Variants in SLC2A14 observed in about 807,000 individuals in gnomAD.
SLC2A14 encodes the protein solute carrier family 2, facilitated glucose transporter member 14.
In SLC2A14, 13 loss-of-function variants were observed where a neutral mutation model predicts 43.0. That is an observed-to-expected ratio of 0.30 (90% CI 0.20 to 0.48). The LOEUF is 0.48. SLC2A14 is among the 20% of genes least tolerant of loss of function. SLC2A14 has a pLI of 0.99. For synonymous variants in SLC2A14, 190 were observed against 233.8 expected, an observed-to-expected ratio of 0.81 and a Z score of 1.71; for missense variants, 428 against 620.4, an observed-to-expected ratio of 0.69 and a Z score of 3.29.
rs983729220 is a variant in SLC2A14, at chr12:7,881,519, T to A, written c.132+9477A>T. Among the ~76,000 whole-genome samples, 72 of 152,266 alleles carry A rather than the reference T, an allele frequency of 4.7e-4. 1 individual carries two copies. Among genetic ancestry groups the A allele is most frequent in the African/African-American group, 1.7e-3 (69 of 41,580 alleles). ...TCCCCAGGCCTTAGCTGCCTTCCCA[T>A]GGGGCAGGGCTCAGGACCTGCAGCC... On this transcript the variant is annotated intron_variant, in intron 1 of 9. Transcript: ENST00000539924.
chr12:7,840,389 G>A (rs1005570767), intron 2 of SLC2A14, among the ~76,000 whole-genome samples: 11 of 151,556 alleles, frequency 7.3e-5, no homozygotes, highest in Non-Finnish European at 1.6e-4. Context: ...TTTTGTTTTT[G>A]TTTTTTTGAG....
chr12:7,881,500 G>A (rs1353012943), intron 1 of SLC2A14, among the ~76,000 whole-genome samples: 2 of 152,144 alleles, frequency 1.3e-5, no homozygotes, highest in Admixed American at 6.5e-5. Context: ...TTTCTCCCCA[G>A]GCCTTAGCTG....
rs200325246 is a variant in SLC2A14, at chr12:7,829,431, A to G, written c.513+335T>C. ...AAAAATTAGCTGGACGTGGTGGTGC[A>G]CACCTGTAATCCCAGCTACTCGGGA... On this transcript the variant is annotated intron_variant, in intron 5 of 10. Coordinates refer to ENST00000431042, the MANE Select transcript of SLC2A14 (RefSeq NM_001286234.2). 4.0e-5 allele frequency among the ~76,000 whole-genome samples: 6 copies of G among 150,158 alleles called. No homozygotes were observed. In the East Asian group the frequency reaches 1.2e-3, roughly 30 times the overall value.
intron 1 of SLC2A14, 130 bp from the exon 2 acceptor site, chr12:7,870,067 A>G: frequency 1.9e-6 from 1 of 532,212 alleles, no homozygotes; most frequent in Middle Eastern, 2.7e-4. Context: ...GTGAAAATTT[A>G]TATAATTCTA....
chr12:7,856,872 CT>C (rs1944278353), intron 2 of SLC2A14, among the ~76,000 whole-genome samples: 1 of 151,298 alleles, frequency 6.6e-6, no homozygotes, highest in Non-Finnish European at 1.5e-5. Context: ...GAGTCTCGCC[CT>C]GTCGCTCAGG....
At chr12:7,849,494 A>G (rs1329278766) in intron 2 of SLC2A14, among the ~76,000 whole-genome samples, 1 of 152,100 alleles carries the variant, frequency 6.6e-6, no homozygotes, top group Non-Finnish European at 1.5e-5. Context: ...AGACAGCAAG[A>G]CTGTTACACA....
chr12:7,867,241 A>T (rs1459700471), intron 2 of SLC2A14, among the ~76,000 whole-genome samples: 1 of 133,356 alleles, frequency 7.5e-6, no homozygotes, highest in East Asian at 2.4e-4. Context: ...ATCTCGTGCC[A>T]CTGCACTCCA....
In SLC2A14 at chr12:7,829,674, T is replaced by C. The variant is rs141084515; in HGVS notation, c.513+92A>G. The C allele has an allele frequency of 3.3e-5, 50 of 1,518,128 alleles. 1 individual carries two copies. The Admixed American group carries it at 6.3e-4, about 19-fold the overall frequency. 94.0% of individuals were successfully genotyped at this position (1,518,128 alleles called of 1,614,324 possible). ...TAAAACTTCCATATGTAATTGAACATGTGCCAGATATTCTTCAGTGCTTTA... is the reference window on the plus strand; with the variant it reads ...TAAAACTTCCATATGTAATTGAACACGTGCCAGATATTCTTCAGTGCTTTA... On this transcript the variant is annotated intron_variant, in intron 5 of 10. Coordinates refer to ENST00000431042, the MANE Select transcript of SLC2A14 (RefSeq NM_001286234.2).
At chr12:7,863,470 CA>C (rs1350425470) in intron 2 of SLC2A14, 1 of 449,582 alleles carries the variant, frequency 2.2e-6, no homozygotes, top group East Asian at 7.1e-5. Context: ...ATTAAAAATA[CA>C]AAAAAATTAG....
At position 7,828,058 on chromosome 12, in the gene SLC2A14, TA is replaced by T. The variant is rs201883083; in HGVS notation, c.677-377del. On this transcript the variant is annotated intron_variant, in intron 6 of 10. Coordinates refer to ENST00000431042, the MANE Select transcript of SLC2A14 (RefSeq NM_001286234.2). ...CTTTCTTAATAAACTTGCTTTCACT[TA>T]AAAAAAAAATACAAATTAGATGGGT... 1.9e-4 allele frequency among the ~76,000 whole-genome samples: 28 copies of T among 147,640 alleles called. No homozygotes were observed. The South Asian group carries it at 1.9e-3, about 10-fold the overall frequency.
At chr12:7,839,758 G>A (rs935209928) in intron 2 of SLC2A14, 11 of 442,464 alleles carry the variant, frequency 2.5e-5, no homozygotes, top group African/African-American at 2.2e-4. Context: ...TGCCTCCATG[G>A]AGGGAGTAAT....
intron 5 of SLC2A14, 31 bp from the exon 6 acceptor site, chr12:7,828,897 C>G (rs772707752): frequency 1.9e-6 from 3 of 1,603,014 alleles, no homozygotes; most frequent in Non-Finnish European, 2.6e-6. Context: ...ATGCTATAAA[C>G]CCCATACTTC....
At chr12:7,878,231 A>C (rs1945498006), upstream of SLC2A14, among the ~76,000 whole-genome samples, 1 of 151,364 alleles carries the variant, frequency 6.6e-6, no homozygotes, top group Non-Finnish European at 1.5e-5. Context: ...TTGTATTTTT[A>C]GTACAGACAG....
At chr12:7,822,252 C>T (rs909991726) in intron 7 of SLC2A14, among the ~76,000 whole-genome samples, 1 of 152,052 alleles carries the variant, frequency 6.6e-6, no homozygotes, top group South Asian at 2.1e-4. Context: ...AGCCACTGCA[C>T]CTCGCCCTCC....
At chr12:7,818,461 G>A (rs560715033) in intron 9 of SLC2A14, among the ~76,000 whole-genome samples, 88 of 152,280 alleles carry the variant, frequency 5.8e-4, no homozygotes, top group Non-Finnish European at 1.1e-3. Context: ...AGGAGTTGGA[G>A]ACCAGCCTGG....
intron 2 of SLC2A14, among the ~76,000 whole-genome samples, chr12:7,857,252 A>AAAAC (rs896544954): frequency 6.6e-6 from 1 of 151,348 alleles, no homozygotes; most frequent in African/African-American, 2.4e-5. Flanking sequence ...TCCGTCTCAA[A>AAAAC]AAACAAACAA....
At chr12:7,876,044 C>T (rs1388367231), upstream of SLC2A14, among the ~76,000 whole-genome samples, 2 of 151,578 alleles carry the variant, frequency 1.3e-5, no homozygotes, top group African/African-American at 2.4e-5. Context: ...TTCGGGAGGC[C>T]GAGGTGGGCA....
intron 2 of SLC2A14, among the ~76,000 whole-genome samples, chr12:7,835,483 G>T (rs961141945): frequency 4.6e-5 from 7 of 152,204 alleles, no homozygotes; most frequent in Admixed American, 4.6e-4. Flanking sequence ...CTTAGTTCCA[G>T]ATGCAGTTAT....
intron 10 of SLC2A14, 132 bp downstream of exon 10, chr12:7,817,699 G>T: frequency 9.0e-7 from 1 of 1,105,732 alleles, no homozygotes; most frequent in Non-Finnish European, 1.3e-6. Flanking sequence ...AGTGAGCTGA[G>T]ATCGGGCAAC....
Sources: gnomAD v4.1 joint callset for allele counts (sites outside exome capture counted in the v4.1 genomes callset) on GRCh38, gnomAD v4.1.1 for gene constraint, MANE v1.5 for transcripts, NCBI Gene and HGNC (gene_info 2026-07-23, HGNC 2026-07-21) for gene names.